Variants in TNRC18 observed in about 807,000 individuals in gnomAD.
The protein encoded by TNRC18 is trinucleotide repeat-containing gene 18 protein.
A neutral mutation model predicts 226.7 loss-of-function variants in TNRC18; 69 were observed. The observed-to-expected ratio is 0.30, with a 90% CI of 0.25 to 0.37. TNRC18 has a LOEUF of 0.37. Among genes scored for constraint, TNRC18 ranks in the 10% least tolerant of loss-of-function variants. The pLI, the probability that TNRC18 is intolerant of heterozygous loss-of-function variation, is 1.00. For missense variants in TNRC18, 4,754 were observed against 4,256.6 expected (o/e 1.12, Z -3.25); for synonymous variants, 2,449 against 1,927.6 (o/e 1.27, Z -7.09).
intron 19 of TNRC18, among the ~76,000 whole-genome samples, chr7:5,326,820 A>T (rs1788963256): frequency 1.3e-5 from 2 of 151,764 alleles, no homozygotes; most frequent in African/African-American, 4.8e-5. Context: ...AAAATAAAAT[A>T]AAATTAAGGA....
chr7:5,328,157 G>T (rs947370623), intron 19 of TNRC18, among the ~76,000 whole-genome samples: 1 of 152,114 alleles, frequency 6.6e-6, no homozygotes, highest in African/African-American at 2.4e-5. Context: ...GGCAGAGGTT[G>T]CAGTGAGCTG....
At chr7:5,320,644 G>T (rs539405768) in intron 22 of TNRC18, 37 bp from the exon 23 acceptor site, 1 of 1,590,616 alleles carries the variant, frequency 6.3e-7, no homozygotes, top group Non-Finnish European at 8.6e-7. Flanking sequence ...GGCAGAGGCC[G>T]AGACCTCCCC....
intron 2 of TNRC18, among the ~76,000 whole-genome samples, chr7:5,406,918 A>G (rs139351848): frequency 6.6e-6 from 1 of 152,240 alleles, no homozygotes; most frequent in East Asian, 1.9e-4. Context: ...GAAAAAGGAA[A>G]ACAGACAAAT....
chr7:5,400,376 G>T (rs1335543591), intron 2 of TNRC18, among the ~76,000 whole-genome samples: 1 of 152,032 alleles, frequency 6.6e-6, no homozygotes, highest in African/African-American at 2.4e-5. Context: ...TTGGGAGGCA[G>T]AGGCGGGCGG....
At chr7:5,383,212 C>G (rs1428046443) in intron 5 of TNRC18, among the ~76,000 whole-genome samples, 1 of 152,156 alleles carries the variant, frequency 6.6e-6, no homozygotes, top group Non-Finnish European at 1.5e-5. Flanking sequence ...AAGGATGCCC[C>G]TTATCGTTCT....
intron 2 of TNRC18, among the ~76,000 whole-genome samples, chr7:5,411,217 A>G (rs1443405710): frequency 1.3e-5 from 1 of 78,764 alleles, no homozygotes; most frequent in African/African-American, 4.1e-5. Context: ...CTCCATCTCA[A>G]AAAAAAAAAA....
Position 5,370,720 on chromosome 7 carries a change from C to T in TNRC18, c.3874G>A (p.Glu1292Lys). 2 of 1,608,454 alleles carry T rather than the reference C, an allele frequency of 1.2e-6. No individual in the cohort carries two copies. Among genetic ancestry groups the T allele is most frequent in the Middle Eastern group, 1.7e-4 (1 of 6,052 alleles). ...VAPSESQPTL[E>K]MSDCDVPAGE... The stretch of plus-strand genomic sequence containing the variant: ...GCGGGCACGTCACAGTCTGACATTT[C>T]TAGGGTGGGCTGGGACTCGCTCGGT... Residue 1292 changes from glutamate to lysine, a missense_variant, in exon 11 of 30, where the codon GAA (glutamate) becomes AAA (lysine). By Grantham distance (56) the Glu-to-Lys change is moderately conservative. Transcript: ENST00000430969.
chr7:5,414,077 G>C (rs903891369), intron 2 of TNRC18, among the ~76,000 whole-genome samples: 22 of 151,838 alleles, frequency 1.4e-4, no homozygotes, highest in African/African-American at 4.6e-4. Context: ...CTCCCAAGTA[G>C]CTGGGATTAC....
intron 5 of TNRC18, among the ~76,000 whole-genome samples, chr7:5,378,467 G>A (rs2128182724): frequency 6.6e-6 from 1 of 150,398 alleles, no homozygotes; most frequent in Non-Finnish European, 1.5e-5. Flanking sequence ...CGCCCAGGCT[G>A]GAGTGCAGTG....
chr7:5,377,323 C>CCCCCCCCCCCCCCAA lies in TNRC18; in HGVS notation c.2461+47_2461+48insTTGGGGGGGGGGGGG. The stretch of plus-strand genomic sequence containing the variant: ...AGCTCTTGTCCTGCACCCGCCCCCT[C>CCCCCCCCCCCCCCAA]CCACCCCTCCCTCAGAGAAGGGGAG... On this transcript the variant is annotated intron_variant, in intron 7 of 29. Coordinates refer to ENST00000430969, the MANE Select transcript of TNRC18 (RefSeq NM_001080495.3). This position sits in a 1 kb window ranked among gnomAD's most constrained non-coding sequence, Gnocchi z 5.8. 1 of 949,540 alleles carries CCCCCCCCCCCCCCAA rather than the reference C, an allele frequency of 1.1e-6. No individual in the cohort carries two copies. The highest frequency in any genetic ancestry group is 1.6e-6 in the Non-Finnish European group (1 of 633,186). 58.8% of individuals were successfully genotyped at this position (949,540 alleles called of 1,614,324 possible). A position where few individuals can be genotyped will look rare whatever the true frequency, so the allele number is the denominator to read the frequency against.
rs745542664 is a variant in TNRC18, at chr7:5,376,219, G to C, written c.2614C>G (p.Leu872Val). ...GGCGGTACGGTGGCCCGCTCCATCA[G>C]CTCCGCTGCAGGGACAGAGACAGTG... ...PSDHLPHFAE[L>V]MERATVPPLW... Residue 872 changes from leucine to valine, a missense_variant, in exon 9 of 30, where the codon CTG (leucine) becomes GTG (valine). Physicochemically the swap from Leu to Val is conservative, Grantham distance 32 (BLOSUM62 1). Coordinates refer to ENST00000430969, the MANE Select transcript of TNRC18 (RefSeq NM_001080495.3). 2 of 1,499,070 alleles carry C rather than the reference G, an allele frequency of 1.3e-6. No individual in the cohort carries two copies. Among genetic ancestry groups the C allele is most frequent in the East Asian group, 4.8e-5 (2 of 41,778 alleles). 92.9% of individuals were successfully genotyped at this position (1,499,070 alleles called of 1,614,324 possible).
At position 5,370,469 on chromosome 7, in the gene TNRC18, C is replaced by T. The variant is rs762431379; in HGVS notation, c.4125G>A (p.Glu1375=). The T allele has an allele frequency of 5.7e-6, 9 of 1,579,300 alleles. No homozygotes were observed. Among genetic ancestry groups the T allele is most frequent in the Non-Finnish European group, 7.7e-6 (9 of 1,162,504 alleles). The change falls in exon 11 of 30, where the codon GAG becomes GAA. Residue 1375 remains glutamate (E), a synonymous_variant. Coordinates refer to ENST00000430969, the MANE Select transcript of TNRC18 (RefSeq NM_001080495.3). ...GGAAGCTCTGCTCCAAGACAAGGCT[C>T]TCGGCTGCTTCCAGCTTCTCCAAGG... ...AQALEKLEAA[E]SLVLEQSFLH... is the part of the protein sequence containing the mutation.
intron 17 of TNRC18, among the ~76,000 whole-genome samples, chr7:5,346,118 C>T (rs776827099): frequency 1.3e-5 from 2 of 152,248 alleles, no homozygotes; most frequent in African/African-American, 2.4e-5. Context: ...GCCAGACACA[C>T]GGACAAGGAC....
chr7:5,307,982 C>A lies in TNRC18; in HGVS notation c.*124G>T. On this transcript the variant is annotated 3_prime_UTR_variant, in exon 30 of 30. Coordinates refer to ENST00000430969, the MANE Select transcript of TNRC18 (RefSeq NM_001080495.3). ...CGGGCATCCACGTGCACACCTGGCC[C>A]CATGCACACGCCTGCAGGAGCGCTC... 1 of 863,682 alleles carries A rather than the reference C, an allele frequency of 1.2e-6. No homozygotes were observed. Among genetic ancestry groups the A allele is most frequent in the Non-Finnish European group, 1.8e-6 (1 of 560,644 alleles). 53.5% of individuals were successfully genotyped at this position (863,682 alleles called of 1,614,324 possible).
rs2128097071 is a variant in TNRC18 at position 5,307,505 on chromosome 7, C to G, written c.*601G>C. Reference sequence around the variant, plus strand: ...GTGCCGGGCCCTCTCCACCTGGTGCCTTTGACAGACACTCCGGGCTGCAAC... The same window carrying G: ...GTGCCGGGCCCTCTCCACCTGGTGCGTTTGACAGACACTCCGGGCTGCAAC... On this transcript the variant is annotated 3_prime_UTR_variant, in exon 30 of 30. Transcript: ENST00000430969. 1 of 447,700 alleles carries G rather than the reference C, an allele frequency of 2.2e-6. No individual in the cohort carries two copies. The highest frequency in any genetic ancestry group is 7.2e-5 in the East Asian group (1 of 13,852). The allele number at this position is 447,700 out of a possible 1,614,324, so 27.7% of individuals were successfully genotyped here.
chr7:5,330,481 A>C (rs1197985718), intron 19 of TNRC18, among the ~76,000 whole-genome samples: 2 of 151,034 alleles, frequency 1.3e-5, no homozygotes, highest in South Asian at 4.2e-4. Context: ...TCCTGGCCTC[A>C]AGGGATCCTC....
At chr7:5,316,801 T>TAGGAGGAGGTGATACCCACG (rs1240091058) in intron 24 of TNRC18, among the ~76,000 whole-genome samples, 1 of 151,972 alleles carries the variant, frequency 6.6e-6, no homozygotes, top group African/African-American at 2.4e-5. Context: ...TTTGATCTCC[T>TAGGAGGAGGTGATACCCACG]AGGAGGAGGT....
Position 5,377,842 on chromosome 7 carries a change from C to G in TNRC18, c.2255+80G>C. The stretch of plus-strand genomic sequence containing the variant: ...ATCCATGGTCGAGGGGCCAAGCCCA[C>G]CTGGGGTCATCCAGCTGCCCCTCAC... On this transcript the variant is annotated intron_variant, in intron 6 of 29. Transcript: ENST00000430969. This position sits in a 1 kb window ranked among gnomAD's most constrained non-coding sequence, Gnocchi z 5.8. 2 of 1,419,744 alleles carry G rather than the reference C, an allele frequency of 1.4e-6. No homozygotes were observed. The highest frequency in any genetic ancestry group is 2.0e-6 in the Non-Finnish European group (2 of 1,015,216). 87.9% of individuals were successfully genotyped at this position (1,419,744 alleles called of 1,614,324 possible).
At chr7:5,367,847 G>T (rs922647860) in intron 11 of TNRC18, among the ~76,000 whole-genome samples, 2 of 152,074 alleles carry the variant, frequency 1.3e-5, no homozygotes, top group Non-Finnish European at 2.9e-5. Context: ...GGGGAGGGGG[G>T]CGTTGCTCAC....
Sources: gnomAD v4.1 joint callset for allele counts (sites outside exome capture counted in the v4.1 genomes callset) on GRCh38, gnomAD v4.1.1 for gene constraint, Gnocchi (gnomAD v3.1) non-coding constraint, MANE v1.5 for transcripts, NCBI Gene and HGNC (gene_info 2026-07-23, HGNC 2026-07-21) for gene names.